Variants in CYP4B1 observed in about 807,000 individuals in gnomAD.
CYP4B1 encodes cytochrome P450 4B1.
In CYP4B1, 45 loss-of-function variants were observed where a neutral mutation model predicts 54.0. The observed-to-expected ratio is 0.83, with a 90% CI of 0.66 to 1.07. The LOEUF (loss-of-function observed/expected upper bound fraction) is 1.07. Ranked by LOEUF, CYP4B1 falls within the 50% of genes least tolerant of loss-of-function variation. CYP4B1 has a pLI of 0.00. For synonymous variants in CYP4B1, 248 were observed against 247.5 expected (o/e 1.00, Z -0.02); for missense variants, 656 against 655.4 (o/e 1.00, Z -0.01).
chr1:46,816,771 C>G (rs1470415964), intron 8 of CYP4B1, among the ~76,000 whole-genome samples: 3 of 152,250 alleles, frequency 2.0e-5, no homozygotes, highest in Middle Eastern at 3.4e-3. Flanking sequence ...GTGACCTTGT[C>G]TTTGATGGCT....
At position 46,799,185 on chromosome 1, in the gene CYP4B1, G is replaced by C; in HGVS notation, c.104G>C (p.Arg35Pro). Residue 35 changes from arginine to proline, a missense_variant, in exon 1 of 12, where the codon CGG (arginine) becomes CCG (proline). Transcript: ENST00000371923. ...GFLKLIHLLL[R>P]RQTLAKAMDK... is the part of the protein sequence containing the mutation. Reference sequence around the variant, plus strand: ...CTCAAGCTCATCCACCTGCTGCTGCGGAGGCAGACGTTGGCTAAGGCTATG... The same window carrying C: ...CTCAAGCTCATCCACCTGCTGCTGCCGAGGCAGACGTTGGCTAAGGCTATG... 1 of 1,611,362 alleles carries C rather than the reference G, an allele frequency of 6.2e-7. No homozygotes were observed. The highest frequency in any genetic ancestry group is 1.1e-5 in the South Asian group (1 of 90,328).
intron 1 of CYP4B1, among the ~76,000 whole-genome samples, chr1:46,800,938 C>T (rs534860432): frequency 6.6e-6 from 1 of 152,262 alleles, no homozygotes; most frequent in Non-Finnish European, 1.5e-5. Flanking sequence ...AGGTTCCTCC[C>T]CAGGATTCTG....
rs1272513851 is a variant in CYP4B1, at chr1:46,814,264, G to A, written c.831G>A (p.Lys277=). 6.2e-7 allele frequency: 1 copy of A among 1,614,070 alleles called. No individual in the cohort carries two copies. The highest frequency in any genetic ancestry group is 1.7e-5 in the Admixed American group (1 of 60,006). ...AALQDEKVRK[K]IQNRRHLDFL... ...TGCAGGATGAGAAGGTGCGGAAGAA[G>A]ATCCAGAACCGGAGGCACCTGGACT... The change falls in exon 7 of 12, where the codon AAG becomes AAA. Residue 277 remains lysine, a synonymous_variant. Transcript: ENST00000371923.
chr1:46,813,768 G>A (rs1679210343), intron 5 of CYP4B1, 141 bp from the exon 6 acceptor site: 2 of 1,424,308 alleles, frequency 1.4e-6, no homozygotes, highest in Non-Finnish European at 1.9e-6. Context: ...GTAAACACCT[G>A]GCTTTAGCAA....
intron 3 of CYP4B1, among the ~76,000 whole-genome samples, chr1:46,811,435 G>T (rs1016292277): frequency 6.6e-6 from 1 of 152,216 alleles, no homozygotes; most frequent in Non-Finnish European, 1.5e-5. Flanking sequence ...GTGTGAGTGC[G>T]AAGAACAGTT....
chr1:46,804,814 C>T (rs888982706), intron 1 of CYP4B1, among the ~76,000 whole-genome samples: 1 of 152,096 alleles, frequency 6.6e-6, no homozygotes, highest in African/African-American at 2.4e-5. Context: ...GTGGCTGATG[C>T]CATGGGGCTT....
chr1:46,810,771 G>A, intron 1 of CYP4B1, 37 bp from the exon 2 acceptor site: 1 of 1,613,230 alleles, frequency 6.2e-7, no homozygotes, highest in Non-Finnish European at 8.5e-7. Flanking sequence ...GTGACAATGT[G>A]TTCCTGAGTG....
chr1:46,811,126 G>A lies in CYP4B1; in HGVS notation c.323-14G>A, dbSNP rs1557495296. 1 of 1,614,102 alleles carries A rather than the reference G, an allele frequency of 6.2e-7. No homozygotes were observed. The highest frequency in any genetic ancestry group is 8.5e-7 in the Non-Finnish European group (1 of 1,179,998). On this transcript the variant is annotated splice_polypyrimidine_tract_variant and intron_variant, in intron 2 of 11. Coordinates refer to ENST00000371923, the MANE Select transcript of CYP4B1 (RefSeq NM_001099772.2). ...CCCCGGGTCCCTGCTTGACCTGATT[G>A]TCTCCTCCTGCAGACCCTAAGGCCC...
In CYP4B1 at chr1:46,814,165, A is replaced by G. The variant is rs45520436; in HGVS notation, c.776-44A>G. ...TAGGACCCCAGTTCCCCTTTGGACAAAAGATGGCTTCCCAGGCAGTGACAC... is the reference window on the plus strand; with the variant it reads ...TAGGACCCCAGTTCCCCTTTGGACAGAAGATGGCTTCCCAGGCAGTGACAC... On this transcript the variant is annotated intron_variant, in intron 6 of 11. Transcript: ENST00000371923. 1,643 of 1,612,544 alleles carry G rather than the reference A, an allele frequency of 1.0e-3. 16 individuals carry two copies. In the African/African-American group the frequency reaches 0.019, roughly 19 times the overall value.
chr1:46,804,657 T>C (rs1177864663), intron 1 of CYP4B1, among the ~76,000 whole-genome samples: 3 of 151,948 alleles, frequency 2.0e-5, no homozygotes, highest in Non-Finnish European at 4.4e-5. Context: ...GGTGGGGTGG[T>C]CCTTCAGGTC....
chr1:46,799,331 T>C, intron 1 of CYP4B1, 70 bp downstream of exon 1: 1 of 1,416,902 alleles, frequency 7.1e-7, no homozygotes, highest in Non-Finnish European at 9.7e-7. Flanking sequence ...CAGGCCTAAT[T>C]CCCAGGGGGC....
At chr1:46,814,878 G>C (rs11576162) in intron 7 of CYP4B1, 196 bp from the exon 8 acceptor site, 70,364 of 592,720 alleles carry the variant, frequency 0.12, 4,831 homozygotes, top group South Asian at 0.2. Context: ...CATTTAGGGA[G>C]GGCTTTGTGG....
chr1:46,800,074 G>A (rs552040724), intron 1 of CYP4B1, among the ~76,000 whole-genome samples: 7 of 152,272 alleles, frequency 4.6e-5, no homozygotes, highest in African/African-American at 1.4e-4. Context: ...TTGATCTGCA[G>A]CCAGCTTGGG....
chr1:46,818,079 G>T, intron 10 of CYP4B1, 50 bp downstream of exon 10: 3 of 1,613,590 alleles, frequency 1.9e-6, no homozygotes, highest in South Asian at 2.2e-5. Flanking sequence ...GACTGGGAGG[G>T]TCACCCTCTG....
intron 1 of CYP4B1, 106 bp downstream of exon 1, chr1:46,799,367 C>A: frequency 1.9e-6 from 2 of 1,048,234 alleles, no homozygotes; most frequent in Non-Finnish European, 2.8e-6. Context: ...CAAACTTGGG[C>A]AGGGGGATGA....
intron 8 of CYP4B1, 51 bp downstream of exon 8, chr1:46,815,315 G>A (rs764958518): frequency 3.6e-5 from 53 of 1,466,308 alleles, no homozygotes; most frequent in Non-Finnish European, 4.4e-5. Context: ...TGGGAAGGGC[G>A]ATGCCCATCC....
intron 1 of CYP4B1, among the ~76,000 whole-genome samples, chr1:46,808,942 G>A (rs1169254138): frequency 1.5e-5 from 2 of 134,880 alleles, no homozygotes; most frequent in Non-Finnish European, 3.1e-5. Context: ...ACACAGGAAG[G>A]GGAATATCAC....
intron 1 of CYP4B1, among the ~76,000 whole-genome samples, chr1:46,804,845 A>T (rs543897271): frequency 6.6e-6 from 1 of 152,258 alleles, no homozygotes; most frequent in South Asian, 2.1e-4. Context: ...ATTTCTGCTG[A>T]TCTTTGCTGA....
At chr1:46,809,865 T>C (rs1679025886) in intron 1 of CYP4B1, among the ~76,000 whole-genome samples, 1 of 152,224 alleles carries the variant, frequency 6.6e-6, no homozygotes, top group Non-Finnish European at 1.5e-5. Flanking sequence ...GGAGGACAAG[T>C]TATGTTCAAT....
Sources: allele counts gnomAD v4.1 joint callset (sites outside exome capture counted in the v4.1 genomes callset), GRCh38; gene constraint gnomAD v4.1.1; transcripts MANE v1.5; gene names NCBI Gene and HGNC (gene_info 2026-07-23, HGNC 2026-07-21).